Variants in TPTE2 observed in about 807,000 individuals in gnomAD.
TPTE2 encodes the protein transmembrane phosphoinositide 3-phosphatase and tensin homolog 2.
In TPTE2, 53 loss-of-function variants were observed where a neutral mutation model predicts 78.6. The ratio of observed to expected loss-of-function variants is 0.67; its 90% CI spans 0.54 to 0.85. The LOEUF (loss-of-function observed/expected upper bound fraction) is 0.85. Ranked by LOEUF, TPTE2 falls within the 40% of genes least tolerant of loss-of-function variation. TPTE2 has a pLI of 0.00. For missense variants in TPTE2, 461 were observed against 623.0 expected, an observed-to-expected ratio of 0.74 and a Z score of 2.77; for synonymous variants, 175 against 206.2, an observed-to-expected ratio of 0.85 and a Z score of 1.30.
rs574837049 is a variant in TPTE2 at position 19,499,109 on chromosome 13, T to C, written c.11+4115A>G. 2.0e-5 allele frequency among the ~76,000 whole-genome samples: 3 copies of C among 152,234 alleles called. No homozygotes were observed. The East Asian group carries it at 5.8e-4, about 29-fold the overall frequency. On this transcript the variant is annotated intron_variant, in intron 1 of 19. Transcript: ENST00000400230. ...AACAAGAAGAGCTAACTATCCTAAA[T>C]ATATATGCACCCAATACAGGAGCAC...
rs1877186658 is a variant in TPTE2 at position 19,437,562 on chromosome 13, G to A, written c.1035+530C>T. On this transcript the variant is annotated intron_variant, in intron 14 of 19. Transcript: ENST00000400230. ...GTTGTGAGGATGGGCAAGGCTCTTT[G>A]GAGAATTTATCTAATTAAGCTTGAT... is the stretch of plus-strand genomic sequence containing the variant. Among the ~76,000 whole-genome samples the A allele has an allele frequency of 1.3e-5, 2 of 152,098 alleles. 1 individual carries two copies. Among genetic ancestry groups the A allele is most frequent in the South Asian group, 4.1e-4 (2 of 4,824 alleles).
Position 19,531,881 on chromosome 13 carries a change from C to T in TPTE2, c.-44+4715G>A, listed in dbSNP as rs1870898869. ...GGCAGAGGTTGCAGTGAGCCAAGAT[C>T]GCGCCACTGCACTCCAGCCTTGGTG... On this transcript the variant is annotated intron_variant, in intron 1 of 17. Coordinates refer to the TPTE2 transcript ENST00000390680. Among the ~76,000 whole-genome samples the T allele has an allele frequency of 2.0e-5, 3 of 152,024 alleles. 1 individual carries two copies. Among genetic ancestry groups the T allele is most frequent in the Non-Finnish European group, 4.4e-5 (3 of 68,014 alleles).
At chr13:19,446,637 A>G (rs1877855331) in intron 13 of TPTE2, among the ~76,000 whole-genome samples, 1 of 152,230 alleles carries the variant, frequency 6.6e-6, no homozygotes. Flanking sequence ...AAATTTTACT[A>G]TATTCAAAAT....
exon 16 of TPTE2, chr13:19,432,507 G>C: frequency 1.9e-6 from 3 of 1,606,538 alleles, no homozygotes; most frequent in Non-Finnish European, 2.5e-6. Context: ...TTTTTATAAA[G>C]AGTATCCGTC....
chr13:19,478,118 G>C (rs1049863648), intron 4 of TPTE2, among the ~76,000 whole-genome samples: 3 of 152,064 alleles, frequency 2.0e-5, no homozygotes, highest in African/African-American at 7.2e-5. Context: ...AAATGTAGCA[G>C]GTGAACAAAA....
chr13:19,425,516 T>C (rs1593340298), intron 18 of TPTE2, among the ~76,000 whole-genome samples: 1 of 152,016 alleles, frequency 6.6e-6, no homozygotes, highest in Non-Finnish European at 1.5e-5. Context: ...TATACAACCT[T>C]CTCCTGATGA....
intron 6 of TPTE2, 50 bp from the exon 10 acceptor site, chr13:19,467,394 A>T: frequency 7.3e-7 from 1 of 1,377,968 alleles, no homozygotes; most frequent in Non-Finnish European, 9.5e-7. Flanking sequence ...CTGCAAGAAG[A>T]GACAGGAATA....
chr13:19,431,153 G>GA (rs1451626777), intron 16 of TPTE2, among the ~76,000 whole-genome samples: 7 of 150,426 alleles, frequency 4.7e-5, no homozygotes, highest in African/African-American at 1.5e-4. Context: ...AAAAGAAAAA[G>GA]AAAAAAAATT....
chr13:19,444,284 G>C (rs1349224884), intron 13 of TPTE2, among the ~76,000 whole-genome samples: 1 of 106,070 alleles, frequency 9.4e-6, no homozygotes, highest in Non-Finnish European at 1.7e-5. Context: ...TCCAGCCTGG[G>C]TGACAGAATG....
chr13:19,501,941 A>C (rs1192402526), intron 1 of TPTE2, among the ~76,000 whole-genome samples: 9 of 151,230 alleles, frequency 6.0e-5, no homozygotes, highest in African/African-American at 2.2e-4. Flanking sequence ...GAACTCAAAC[A>C]AATTTACAAG....
exon 6 of TPTE2, chr13:19,474,061 A>C (rs2137589689): frequency 6.3e-7 from 1 of 1,579,778 alleles, no homozygotes; most frequent in African/African-American, 1.4e-5. Context: ...TAAGACCAGG[A>C]AAACTCCAAA....
chr13:19,482,293 T>A (rs984535224), intron 4 of TPTE2, among the ~76,000 whole-genome samples, 195 bp downstream of exon 7: 13 of 152,174 alleles, frequency 8.5e-5, no homozygotes, highest in Admixed American at 1.3e-4. Flanking sequence ...TATTTCTGAA[T>A]GGATGGAATT....
At chr13:19,444,584 C>T (rs1255669395) in intron 13 of TPTE2, among the ~76,000 whole-genome samples, 1 of 152,046 alleles carries the variant, frequency 6.6e-6, no homozygotes, top group Non-Finnish European at 1.5e-5. Context: ...GAGAATACCT[C>T]TCTTCATGGG....
At chr13:19,457,618 C>A (rs886611080) in intron 10 of TPTE2, among the ~76,000 whole-genome samples, 3 of 151,844 alleles carry the variant, frequency 2.0e-5, no homozygotes, top group African/African-American at 7.3e-5. Flanking sequence ...TGAGAACATG[C>A]GATGTTTGGT....
At chr13:19,487,552 G>A (rs1009195841) in intron 3 of TPTE2, among the ~76,000 whole-genome samples, 20 of 152,110 alleles carry the variant, frequency 1.3e-4, no homozygotes, top group Non-Finnish European at 2.1e-4. Flanking sequence ...TACCCTGGAT[G>A]GGACTGCAGA....
intron 13 of TPTE2, among the ~76,000 whole-genome samples, chr13:19,440,260 C>T (rs2137503275): frequency 6.6e-6 from 1 of 152,294 alleles, no homozygotes; most frequent in Admixed American, 6.5e-5. Flanking sequence ...TCCAACAGCA[C>T]ATCAAAAAGT....
intron 1 of TPTE2, among the ~76,000 whole-genome samples, chr13:19,510,499 C>T (rs1351380008): frequency 6.6e-6 from 1 of 151,824 alleles, no homozygotes; most frequent in Non-Finnish European, 1.5e-5. Flanking sequence ...CACTCACCCT[C>T]ACTCCCAGGG....
At chr13:19,521,545 T>C (rs962980461) in intron 1 of TPTE2, among the ~76,000 whole-genome samples, 1 of 152,030 alleles carries the variant, frequency 6.6e-6, no homozygotes, top group Non-Finnish European at 1.5e-5. Context: ...TCCTTTTAAA[T>C]GGAGAGAAAT....
At chr13:19,453,954 C>A (rs1321864732) in intron 10 of TPTE2, among the ~76,000 whole-genome samples, 2 of 152,176 alleles carry the variant, frequency 1.3e-5, no homozygotes, top group Non-Finnish European at 2.9e-5. Context: ...TTGCAACAAC[C>A]TCCACCTTTG....
Sources: gnomAD v4.1 joint callset for allele counts (sites outside exome capture counted in the v4.1 genomes callset) on GRCh38, gnomAD v4.1.1 for gene constraint, MANE v1.5 for transcripts, NCBI Gene and HGNC (gene_info 2026-07-23, HGNC 2026-07-21) for gene names.